Variants in CDH12 observed in about 807,000 individuals in gnomAD.
The protein encoded by CDH12 is cadherin 12.
Under a neutral mutation model 74.1 loss-of-function variants are expected in CDH12, and 41 were observed. The observed-to-expected ratio is 0.55, with a 90% CI of 0.43 to 0.72. The LOEUF (loss-of-function observed/expected upper bound fraction) is 0.72, where lower values mean the gene tolerates loss of function less well. CDH12 is among the 30% of genes least tolerant of loss of function. The pLI is 0.00. For synonymous variants in CDH12, 399 were observed against 355.0 expected, an observed-to-expected ratio of 1.12 and a Z score of -1.39; for missense variants, 945 against 977.2, an observed-to-expected ratio of 0.97 and a Z score of 0.44.
intron 1 of CDH12, among the ~76,000 whole-genome samples, chr5:22,608,472 T>C (rs991107203): frequency 3.9e-5 from 6 of 152,252 alleles, no homozygotes; most frequent in African/African-American, 9.6e-5. Flanking sequence ...TACAGGCTCA[T>C]AGGTGGAAGG....
At position 22,062,607 on chromosome 5, in the gene CDH12, G is replaced by A. The variant is rs115293635; in HGVS notation, c.231+15839C>T. Among the ~76,000 whole-genome samples the A allele has an allele frequency of 7.2e-3, 1,093 of 152,218 alleles. 5 individuals are homozygous for A. Among genetic ancestry groups the A allele is most frequent in the African/African-American group, 0.025 (1,052 of 41,550 alleles). Reference sequence around the variant, plus strand: ...TTGAGCAGCAAGGTCAACCTATTTGGCAGCAGAATGGATCAGAAACAAAGC... The same window carrying A: ...TTGAGCAGCAAGGTCAACCTATTTGACAGCAGAATGGATCAGAAACAAAGC... On this transcript the variant is annotated intron_variant, in intron 5 of 14. Coordinates refer to ENST00000382254, the MANE Select transcript of CDH12 (RefSeq NM_004061.5).
At chr5:22,834,267 T>A (rs1736731936) in intron 1 of CDH12, among the ~76,000 whole-genome samples, 1 of 152,090 alleles carries the variant, frequency 6.6e-6, no homozygotes, top group Non-Finnish European at 1.5e-5. Context: ...AGGATGCTGA[T>A]TTTCAAAGAG....
At chr5:22,466,289 T>C (rs1429215312) in intron 2 of CDH12, among the ~76,000 whole-genome samples, 1 of 152,216 alleles carries the variant, frequency 6.6e-6, no homozygotes, top group African/African-American at 2.4e-5. Context: ...TGTTTGTTTG[T>C]TTTTTGTTTG....
intron 11 of CDH12, among the ~76,000 whole-genome samples, chr5:21,780,808 AT>A (rs1745865159): frequency 6.6e-6 from 1 of 152,294 alleles, no homozygotes; most frequent in Admixed American, 6.5e-5. Flanking sequence ...ACGAAAGTGG[AT>A]TTTTAAAATT....
chr5:22,514,056 A>G (rs890677629), intron 1 of CDH12, among the ~76,000 whole-genome samples: 5 of 151,606 alleles, frequency 3.3e-5, no homozygotes, highest in African/African-American at 4.8e-5. Context: ...TTTTATAATA[A>G]TAAAATGATA....
intron 10 of CDH12, among the ~76,000 whole-genome samples, chr5:21,789,124 T>C (rs1014645203): frequency 3.3e-5 from 5 of 152,136 alleles, no homozygotes; most frequent in African/African-American, 1.2e-4. Flanking sequence ...GAGTAAAATA[T>C]AGAAATGTTT....
At chr5:22,620,076 A>G (rs1277971456) in intron 1 of CDH12, among the ~76,000 whole-genome samples, 1 of 152,016 alleles carries the variant, frequency 6.6e-6, no homozygotes, top group Non-Finnish European at 1.5e-5. Context: ...TAAAAAAGCT[A>G]GTTTTTGTTT....
intron 5 of CDH12, among the ~76,000 whole-genome samples, chr5:22,028,372 A>G (rs1420432456): frequency 6.6e-6 from 1 of 152,158 alleles, no homozygotes; most frequent in Admixed American, 6.6e-5. Context: ...CCATTGTCTC[A>G]GCCCAAAATC....
At chr5:22,529,188 TAGAGAGAGAGAG>T (rs374921601) in intron 1 of CDH12, among the ~76,000 whole-genome samples, 111 of 84,538 alleles carry the variant, frequency 1.3e-3, no homozygotes, top group African/African-American at 3.5e-3. Flanking sequence ...TATATATATA[TAGAGAGAGAGAG>T]AGAGAGAGAG....
intron 2 of CDH12, among the ~76,000 whole-genome samples, chr5:22,494,455 A>G (rs1747020270): frequency 6.6e-6 from 1 of 152,222 alleles, no homozygotes; most frequent in South Asian, 2.1e-4. Flanking sequence ...TTGGGTAAAT[A>G]GTTACTTTAT....
chr5:21,755,630 C>T lies in CDH12; in HGVS notation c.1846G>A (p.Ala616Thr), dbSNP rs1320740484. The T allele has an allele frequency of 3.7e-6, 6 of 1,613,766 alleles. No homozygotes were observed. In the African/African-American group the frequency reaches 6.7e-5, roughly 18 times the overall value. The change falls in exon 14 of 15, where the codon GCG becomes ACG. Residue 616 changes from alanine (A) to threonine (T), a missense_variant. Coordinates refer to ENST00000382254, the MANE Select transcript of CDH12 (RefSeq NM_004061.5). ...ATGCATAGTAGAATTGCAATCAACG[C>T]CCCAGTGCTAAGTCCTACAGGTAGA... ...IFLPVGLSTG[A>T]LIAILLCIVI...
chr5:22,571,376 G>C (rs1273863992), intron 1 of CDH12, among the ~76,000 whole-genome samples: 1 of 151,938 alleles, frequency 6.6e-6, no homozygotes, highest in East Asian at 1.9e-4. Flanking sequence ...GCTCAGGCTG[G>C]AGCGCAAAGG....
At chr5:22,132,721 A>G (rs930430061) in intron 4 of CDH12, among the ~76,000 whole-genome samples, 3 of 152,024 alleles carry the variant, frequency 2.0e-5, no homozygotes, top group Non-Finnish European at 4.4e-5. Context: ...AGGCACATTT[A>G]TTTTTCCCCA....
At chr5:22,472,683 A>C (rs1746013574) in intron 2 of CDH12, among the ~76,000 whole-genome samples, 2 of 152,058 alleles carry the variant, frequency 1.3e-5, no homozygotes, top group African/African-American at 4.8e-5. Context: ...TTTTATTCTC[A>C]CATCCATTCT....
intron 4 of CDH12, among the ~76,000 whole-genome samples, chr5:22,183,937 A>G (rs1424464339): frequency 1.3e-5 from 2 of 152,134 alleles, no homozygotes; most frequent in Non-Finnish European, 2.9e-5. Flanking sequence ...ACTAGAGTAG[A>G]GTCATTAATG....
intron 1 of CDH12, among the ~76,000 whole-genome samples, chr5:22,679,567 G>C (rs1238945303): frequency 2.0e-5 from 3 of 152,026 alleles, no homozygotes; most frequent in Non-Finnish European, 4.4e-5. Flanking sequence ...TATTAACAGT[G>C]ATGTGTCCTA....
At chr5:21,830,068 G>A (rs945131934) in intron 8 of CDH12, among the ~76,000 whole-genome samples, 9 of 150,964 alleles carry the variant, frequency 6.0e-5, no homozygotes, top group South Asian at 2.1e-4. Flanking sequence ...GTATGTTGGC[G>A]GGTGCCTGTA....
chr5:21,763,109 C>T (rs1744819877), intron 12 of CDH12, among the ~76,000 whole-genome samples: 2 of 152,092 alleles, frequency 1.3e-5, no homozygotes, highest in South Asian at 4.2e-4. Flanking sequence ...CATTCTGTGC[C>T]GATCCAAAAT....
intron 1 of CDH12, among the ~76,000 whole-genome samples, chr5:22,673,786 G>A (rs1741024360): frequency 6.6e-6 from 1 of 152,056 alleles, no homozygotes; most frequent in Non-Finnish European, 1.5e-5. Context: ...AAGATTAATG[G>A]TAATAAGGAA....
Sources: gnomAD v4.1 joint callset for allele counts (sites outside exome capture counted in the v4.1 genomes callset) on GRCh38, gnomAD v4.1.1 for gene constraint, MANE v1.5 for transcripts, NCBI Gene and HGNC (gene_info 2026-07-23, HGNC 2026-07-21) for gene names.